ATP11B: variants seen among roughly 807,000 people sequenced by gnomAD.
ATP11B encodes the protein ATPase phospholipid transporting 11B (putative), also known as phospholipid-transporting ATPase IF.
ATP11B carries 81 observed loss-of-function variants against 157.8 expected under a neutral mutation model. That is an observed-to-expected ratio of 0.51 (90% confidence interval 0.43 to 0.62). The LOEUF (loss-of-function observed/expected upper bound fraction) is 0.62, where lower values mean the gene tolerates loss of function less well. ATP11B is among the 20% of genes least tolerant of loss of function. The probability of loss-of-function intolerance (pLI) is 0.00; values close to 1 mark genes in which losing one functional copy is unlikely to be tolerated. For synonymous variants in ATP11B, 451 were observed against 469.4 expected (o/e 0.96, Z 0.51); for missense variants, 1,165 against 1,402.2 (o/e 0.83, Z 2.70).
chr3:182,902,921 C>T (rs1724068029), intron 28 of ATP11B, among the ~76,000 whole-genome samples: 1 of 152,036 alleles, frequency 6.6e-6, no homozygotes, highest in Non-Finnish European at 1.5e-5. Flanking sequence ...ATTAAAGCTA[C>T]ATATTTGGAA....
intron 1 of ATP11B, among the ~76,000 whole-genome samples, chr3:182,810,287 G>A (rs922227262): frequency 1.3e-5 from 2 of 152,046 alleles, no homozygotes; most frequent in Non-Finnish European, 2.9e-5. Context: ...AGCCGAGATG[G>A]CACCACTGCA....
intron 22 of ATP11B, 78 bp downstream of exon 22, chr3:182,884,976 C>T: frequency 1.2e-6 from 1 of 823,852 alleles, no homozygotes. Flanking sequence ...TAACCTTATA[C>T]ATTTCTCTTT....
chr3:182,837,008 T>A, intron 6 of ATP11B, 63 bp from the exon 7 acceptor site: 1 of 1,148,628 alleles, frequency 8.7e-7, no homozygotes, highest in South Asian at 1.3e-5. Flanking sequence ...AGATTTGAAA[T>A]AACTGATATT....
At chr3:182,853,465 C>T (rs977284439) in intron 10 of ATP11B, among the ~76,000 whole-genome samples, 3 of 152,098 alleles carry the variant, frequency 2.0e-5, no homozygotes, top group Non-Finnish European at 4.4e-5. Context: ...CTCGGCCTCC[C>T]TGCAGGTGTG....
At position 182,799,288 on chromosome 3, in the gene ATP11B, T is replaced by C. The variant is rs572896546; in HGVS notation, c.27+5502T>C. 3.0e-4 allele frequency among the ~76,000 whole-genome samples: 45 copies of C among 152,164 alleles called. No homozygotes were observed. In the South Asian group the frequency reaches 8.3e-3, roughly 28 times the overall value. ...GCTGATCTTTCTTTCTTTCTTTTTT[T>C]TTTTTTTTTGGAGACAGTTTCGCTC... On this transcript the variant is annotated intron_variant, in intron 1 of 29. Coordinates refer to ENST00000323116, the MANE Select transcript of ATP11B (RefSeq NM_014616.3).
At position 182,918,229 on chromosome 3, in the gene ATP11B, C is replaced by A; in HGVS notation, c.*125C>A. The A allele has an allele frequency of 7.3e-7, 1 of 1,368,484 alleles. No homozygotes were observed. The highest frequency in any genetic ancestry group is 9.8e-7 in the Non-Finnish European group (1 of 1,017,808). 84.8% of individuals were successfully genotyped at this position (1,368,484 alleles called of 1,614,324 possible). ...AAATCTTTGTAGTAGTTCATACCCA[C>A]TCAGAGTTATAATGGCAAACAAACA... is the stretch of plus-strand genomic sequence containing the variant. On this transcript the variant is annotated 3_prime_UTR_variant, in exon 30 of 30. Coordinates refer to ENST00000323116, the MANE Select transcript of ATP11B (RefSeq NM_014616.3).
intron 1 of ATP11B, among the ~76,000 whole-genome samples, chr3:182,815,469 C>T (rs778493591): frequency 2.0e-5 from 3 of 152,242 alleles, no homozygotes; most frequent in Middle Eastern, 3.4e-3. Context: ...TAATTCCTCC[C>T]CAGAAGCATT....
At chr3:182,810,150 G>T (rs1046384442) in intron 1 of ATP11B, among the ~76,000 whole-genome samples, 1 of 152,036 alleles carries the variant, frequency 6.6e-6, no homozygotes, top group Admixed American at 6.6e-5. Flanking sequence ...TGGCCAACAC[G>T]GTGAAACCCC....
chr3:182,871,919 C>T (rs1721690160), intron 17 of ATP11B, among the ~76,000 whole-genome samples: 1 of 152,024 alleles, frequency 6.6e-6, no homozygotes, highest in East Asian at 1.9e-4. Context: ...GGGTTCACGC[C>T]ATTCTCCTGC....
chr3:182,842,131 T>G lies in ATP11B; in HGVS notation c.704+9T>G. The G allele has an allele frequency of 6.9e-6, 11 of 1,584,900 alleles. No individual in the cohort carries two copies. Among genetic ancestry groups the G allele is most frequent in the Non-Finnish European group, 9.5e-6 (11 of 1,154,634 alleles). Reference sequence around the variant, plus strand: ...ATGGAAGAAATTGTAAGGTAAGAATTAATTTGTGTTATCTAATTACCTTTA... The same window carrying G: ...ATGGAAGAAATTGTAAGGTAAGAATGAATTTGTGTTATCTAATTACCTTTA... On this transcript the variant is annotated intron_variant, in intron 8 of 29. Transcript: ENST00000323116.
At chr3:182,849,813 A>G (rs1719827433) in intron 10 of ATP11B, among the ~76,000 whole-genome samples, 1 of 152,174 alleles carries the variant, frequency 6.6e-6, no homozygotes, top group Non-Finnish European at 1.5e-5. Flanking sequence ...AAGAGAAAAA[A>G]GGACAGAATA....
At chr3:182,915,960 A>G (rs1725114000) in intron 29 of ATP11B, 4 of 983,824 alleles carry the variant, frequency 4.1e-6, no homozygotes, top group South Asian at 4.7e-5. Context: ...ATCACAGGTT[A>G]TATTATTGGT....
intron 4 of ATP11B, 123 bp downstream of exon 4, chr3:182,829,875 T>C (rs748588469): frequency 2.1e-6 from 3 of 1,423,762 alleles, no homozygotes; most frequent in Non-Finnish European, 2.8e-6. Context: ...CAAATTTGTC[T>C]GATACGTAGT....
At chr3:182,821,546 G>A (rs1717346789) in intron 2 of ATP11B, among the ~76,000 whole-genome samples, 1 of 151,998 alleles carries the variant, frequency 6.6e-6, no homozygotes, top group South Asian at 2.1e-4. Context: ...TTTTCCTGTG[G>A]CATTTTTAAG....
intron 28 of ATP11B, among the ~76,000 whole-genome samples, chr3:182,900,909 T>C (rs749310603): frequency 1.3e-5 from 2 of 151,492 alleles, no homozygotes; most frequent in Non-Finnish European, 2.9e-5. Flanking sequence ...AGGCCAGGCA[T>C]GGTGGCTCAC....
chr3:182,916,701 G>A (rs1370851584), intron 29 of ATP11B: 2 of 982,034 alleles, frequency 2.0e-6, no homozygotes, highest in Non-Finnish European at 2.4e-6. Context: ...ACATATGAAT[G>A]CACATGTGTG....
intron 19 of ATP11B, among the ~76,000 whole-genome samples, chr3:182,875,833 T>C (rs1250901583): frequency 6.6e-6 from 1 of 152,194 alleles, no homozygotes; most frequent in Non-Finnish European, 1.5e-5. Context: ...ATACTACAAT[T>C]TGGGGACAGT....
chr3:182,883,954 CAAAAAAAAAAAAAA>C (rs1170838231), intron 21 of ATP11B, among the ~76,000 whole-genome samples: 1 of 63,418 alleles, frequency 1.6e-5, no homozygotes, highest in Non-Finnish European at 3.8e-5. Flanking sequence ...GACTCCGTCT[CAAAAAAAAAAAAAA>C]AAAAAAAGAA....
intron 20 of ATP11B, among the ~76,000 whole-genome samples, chr3:182,880,367 C>T (rs542003303): frequency 6.6e-6 from 1 of 152,266 alleles, no homozygotes; most frequent in East Asian, 1.9e-4. Context: ...GAGACTAAAA[C>T]TGGAGACCAA....
Sources: allele counts gnomAD v4.1 joint callset (sites outside exome capture counted in the v4.1 genomes callset), GRCh38; gene constraint gnomAD v4.1.1; transcripts MANE v1.5; gene names NCBI Gene and HGNC (gene_info 2026-07-23, HGNC 2026-07-21).